The following FAM135A variants were observed in gnomAD, a reference collection of about 807,000 sequenced individuals.
FAM135A encodes the protein family with sequence similarity 135 member A, also known as protein FAM135A.
A neutral mutation model predicts 146.8 loss-of-function variants in FAM135A; 79 were observed. The observed-to-expected ratio is 0.54, with a 90% CI of 0.45 to 0.65. The LOEUF (loss-of-function observed/expected upper bound fraction) is 0.65, where lower values mean the gene tolerates loss of function less well. Ranked by LOEUF, FAM135A falls within the 30% of genes least tolerant of loss-of-function variation. The pLI is 0.00. For missense variants in FAM135A, 1,623 were observed against 1,758.2 expected (o/e 0.92, Z 1.38); for synonymous variants, 562 against 603.6 (o/e 0.93, Z 1.01).
intron 2 of FAM135A, among the ~76,000 whole-genome samples, chr6:70,426,168 A>G (rs558540116): frequency 2.0e-5 from 3 of 152,110 alleles, no homozygotes; most frequent in Non-Finnish European, 4.4e-5. Context: ...TTGTGTATTC[A>G]TGAGGGTTCC....
intron 16 of FAM135A, among the ~76,000 whole-genome samples, chr6:70,528,656 T>C (rs946446963): frequency 6.6e-6 from 1 of 152,036 alleles, no homozygotes; most frequent in Non-Finnish European, 1.5e-5. Context: ...TAAGTAAATT[T>C]TCCATGGAAC....
At chr6:70,423,551 T>G (rs1342943175) in intron 2 of FAM135A, among the ~76,000 whole-genome samples, 1 of 152,164 alleles carries the variant, frequency 6.6e-6, no homozygotes, top group Non-Finnish European at 1.5e-5. Context: ...TTCCAGCCTG[T>G]AAGAAAAAGG....
chr6:70,435,417 T>C (rs1177025872), intron 4 of FAM135A, among the ~76,000 whole-genome samples: 2 of 152,052 alleles, frequency 1.3e-5, no homozygotes, highest in African/African-American at 4.8e-5. Flanking sequence ...GAAATTACAT[T>C]CTTAAATTTT....
At chr6:70,554,467 C>T (rs1475074817) in intron 20 of FAM135A, among the ~76,000 whole-genome samples, 1 of 152,102 alleles carries the variant, frequency 6.6e-6, no homozygotes, top group Non-Finnish European at 1.5e-5. Context: ...GGAAGAAAGA[C>T]TTCTGGGAAT....
At position 70,481,904 on chromosome 6, in the gene FAM135A, G is replaced by C. The variant is rs991297308; in HGVS notation, c.670-97G>C. On this transcript the variant is annotated intron_variant, in intron 9 of 21. Coordinates refer to ENST00000418814, the MANE Select transcript of FAM135A (RefSeq NM_001162529.3). ...TATATGTATTAGAATAAATTTAGTT[G>C]ACAGATGGTTAAGTATTTTTTCTTT... 2.5e-6 allele frequency: 3 copies of C among 1,182,572 alleles called. No homozygotes were observed. The African/African-American group carries it at 4.7e-5, about 18-fold the overall frequency. 73.3% of individuals were successfully genotyped at this position (1,182,572 alleles called of 1,614,324 possible). A position where few individuals can be genotyped will look rare whatever the true frequency, so the allele number is the denominator to read the frequency against.
intron 12 of FAM135A, among the ~76,000 whole-genome samples, chr6:70,514,521 T>A (rs55968813): frequency 1.3e-5 from 2 of 151,898 alleles, no homozygotes; most frequent in Non-Finnish European, 2.9e-5. Flanking sequence ...CCAGAAAAAA[T>A]CTGAACGAAC....
Position 70,540,396 on chromosome 6 carries a change from C to G in FAM135A, c.4228+1995C>G, listed in dbSNP as rs543386992. Among the ~76,000 whole-genome samples the G allele has an allele frequency of 3.5e-5, 5 of 142,702 alleles. No individual in the cohort carries two copies. The South Asian group carries it at 8.9e-4, about 25-fold the overall frequency. The allele number at this position is 142,702 out of a possible 152,430, so 93.6% of individuals were successfully genotyped here. On this transcript the variant is annotated intron_variant, in intron 20 of 21. Transcript: ENST00000418814. ...CTGGAGTGCAGTGGCACGATCTCGGCTCGCTGCAAGCTCCGCCTCCCGAGT... is the reference window on the plus strand; with the variant it reads ...CTGGAGTGCAGTGGCACGATCTCGGGTCGCTGCAAGCTCCGCCTCCCGAGT...
intron 15 of FAM135A, among the ~76,000 whole-genome samples, chr6:70,527,403 T>C (rs151260432): frequency 6.6e-6 from 1 of 152,258 alleles, no homozygotes; most frequent in African/African-American, 2.4e-5. Flanking sequence ...CCCAGATTAT[T>C]CTGATTTATA....
intron 13 of FAM135A, 103 bp from the exon 14 acceptor site, chr6:70,523,864 G>A (rs1794138734): frequency 8.7e-7 from 1 of 1,143,118 alleles, no homozygotes; most frequent in African/African-American, 1.6e-5. Context: ...TCTTGCAGAT[G>A]AGGGATAGGA....
At chr6:70,443,990 A>T (rs61448384) in intron 4 of FAM135A, among the ~76,000 whole-genome samples, 2 of 152,208 alleles carry the variant, frequency 1.3e-5, no homozygotes, top group African/African-American at 4.8e-5. Context: ...TTTTAGCAAG[A>T]GATTGTTCTG....
At position 70,482,026 on chromosome 6, in the gene FAM135A, C is replaced by T. The variant is rs748663798; in HGVS notation, c.695C>T (p.Ser232Phe). 6.2e-7 allele frequency: 1 copy of T among 1,613,504 alleles called. No homozygotes were observed. Among genetic ancestry groups the T allele is most frequent in the Non-Finnish European group, 8.5e-7 (1 of 1,179,706 alleles). The change falls in exon 10 of 22, where the codon TCC becomes TTC. Residue 232 changes from serine to phenylalanine, a missense_variant. By Grantham distance (155) the Ser-to-Phe change is radical. This residue lies in a region of FAM135A where 206 missense variants were observed against 194.7 expected (regional missense o/e 1.06). Coordinates refer to ENST00000418814, the MANE Select transcript of FAM135A (RefSeq NM_001162529.3). ...GGTTGTAGCTTCATCATTGCAGACT[C>T]CTTCCTACATCATGCGTATCGTTTT... ...PDGCSFIIADSFLHHAYRFHY... is the reference protein window; with the variant it reads ...PDGCSFIIADFFLHHAYRFHY...
chr6:70,525,284 A>C lies in FAM135A; in HGVS notation c.2200A>C (p.Ser734Arg). 6.2e-7 allele frequency: 1 copy of C among 1,601,208 alleles called. No individual in the cohort carries two copies. Among genetic ancestry groups the C allele is most frequent in the East Asian group, 2.2e-5 (1 of 44,782 alleles). Reference protein sequence around the residue: ...SIGESLTKLRSNLPAPSTKEY... With the variant: ...SIGESLTKLRRNLPAPSTKEY... ...TGGAGAATCATTAACTAAATTACGA[A>C]GTAATCTACCTGCCCCTTCTACAAA... Residue 734 changes from serine (S) to arginine (R), a missense_variant, in exon 15 of 22, where the codon AGT becomes CGT. Ser to Arg is a moderately radical substitution (Grantham distance 110). Transcript: ENST00000418814.
intron 16 of FAM135A, among the ~76,000 whole-genome samples, chr6:70,532,726 A>G (rs968956226): frequency 6.6e-6 from 1 of 152,182 alleles, no homozygotes; most frequent in African/African-American, 2.4e-5. Context: ...AGGTCAGGAG[A>G]TCAAGACCAT....
chr6:70,533,628 T>A (rs559198911), intron 17 of FAM135A, 129 bp from the exon 18 acceptor site: 1 of 625,842 alleles, frequency 1.6e-6, no homozygotes, highest in South Asian at 2.1e-5. Flanking sequence ...TTACACTCAC[T>A]AACTTCTCTA....
intron 5 of FAM135A, among the ~76,000 whole-genome samples, chr6:70,455,315 A>C (rs181727324): frequency 6.6e-6 from 1 of 152,228 alleles, no homozygotes; most frequent in Admixed American, 6.5e-5. Flanking sequence ...TGAATTATAC[A>C]TAGTGTAGAG....
chr6:70,472,956 C>G (rs1781900857), intron 5 of FAM135A, among the ~76,000 whole-genome samples: 1 of 152,194 alleles, frequency 6.6e-6, no homozygotes, highest in Non-Finnish European at 1.5e-5. Flanking sequence ...GTGCTCTCTT[C>G]CCAGCTTCTC....
intron 13 of FAM135A, among the ~76,000 whole-genome samples, 183 bp from the exon 14 acceptor site, chr6:70,523,784 C>T (rs1327172948): frequency 6.6e-6 from 1 of 152,032 alleles, no homozygotes; most frequent in Non-Finnish European, 1.5e-5. Context: ...AATTTATTGC[C>T]AACAAACTAT....
chr6:70,538,847 T>G (rs1006563572), intron 20 of FAM135A, among the ~76,000 whole-genome samples: 5 of 143,004 alleles, frequency 3.5e-5, no homozygotes, highest in Non-Finnish European at 7.5e-5. Flanking sequence ...TATATTATAT[T>G]ATATTATATT....
chr6:70,452,581 AG>A lies in FAM135A; in HGVS notation c.157+11del. On this transcript the variant is annotated intron_variant, in intron 5 of 21. Transcript: ENST00000418814. ...TTGTTGCATGCAACAGGTAAGCCAA[AG>A]AATACATTCAAATTTAAAAAGTAAT... The A allele has an allele frequency of 6.5e-7, 1 of 1,550,228 alleles. No individual in the cohort carries two copies. Among genetic ancestry groups the A allele is most frequent in the Non-Finnish European group, 8.6e-7 (1 of 1,157,230 alleles).
Sources: allele counts gnomAD v4.1 joint callset (sites outside exome capture counted in the v4.1 genomes callset), GRCh38; gene constraint gnomAD v4.1.1; regional missense constraint gnomAD v4.1.1; transcripts MANE v1.5; gene names NCBI Gene and HGNC (gene_info 2026-07-23, HGNC 2026-07-21).